The following AFG2A variants were observed in gnomAD, a reference collection of about 807,000 sequenced individuals.
AFG2A encodes the protein ATPase family gene 2 protein homolog A.
the AFG2A span, among the ~76,000 whole-genome samples, chr4:123,112,077 A>T: frequency 1.3e-5 from 2 of 152,150 alleles, no homozygotes; most frequent in Non-Finnish European, 2.9e-5. Flanking sequence ...AAATTGCTTT[A>T]AATTATTATC....
the AFG2A span, among the ~76,000 whole-genome samples, chr4:123,149,142 G>C: frequency 6.6e-6 from 1 of 152,162 alleles, no homozygotes; most frequent in Non-Finnish European, 1.5e-5. Flanking sequence ...CTTATACTTA[G>C]TAAATAAATT....
chr4:123,022,894 A>T, the AFG2A span, among the ~76,000 whole-genome samples: 1 of 152,136 alleles, frequency 6.6e-6, no homozygotes, highest in African/African-American at 2.4e-5. Flanking sequence ...AGGGACATGG[A>T]TGAAATTGGA....
chr4:123,244,164 A>T, the AFG2A span, among the ~76,000 whole-genome samples: 4 of 152,122 alleles, frequency 2.6e-5, no homozygotes, highest in Non-Finnish European at 5.9e-5. Context: ...AGGTGCACTG[A>T]ACAGCCAAAG....
At chr4:122,947,765 G>A in the AFG2A span, among the ~76,000 whole-genome samples, 1 of 151,992 alleles carries the variant, frequency 6.6e-6, no homozygotes, top group South Asian at 2.1e-4. Flanking sequence ...CAGCATCTGA[G>A]GAGTCAACCA....
chr4:122,939,426 A>T, the AFG2A span, among the ~76,000 whole-genome samples: 2 of 152,170 alleles, frequency 1.3e-5, no homozygotes, highest in Admixed American at 1.3e-4. Flanking sequence ...TAATTATGGA[A>T]GGAACATTCA....
the AFG2A span, among the ~76,000 whole-genome samples, chr4:123,152,254 A>G: frequency 6.6e-6 from 1 of 152,138 alleles, no homozygotes; most frequent in East Asian, 1.9e-4. Context: ...ACACCTATGT[A>G]ACAAACCTGC....
At chr4:122,934,504 G>A in the AFG2A span, 1 of 1,614,192 alleles carries the variant, frequency 6.2e-7, no homozygotes, top group Non-Finnish European at 8.5e-7. Flanking sequence ...GCAACTTACT[G>A]AAGAAGAGAG....
At chr4:122,923,293 T>C in the AFG2A span, 36 of 1,613,832 alleles carry the variant, frequency 2.2e-5, no homozygotes, top group South Asian at 3.7e-4. Flanking sequence ...GGTGACCAAC[T>C]TATTAGAAAA....
At chr4:123,253,579 G>A in the AFG2A span, among the ~76,000 whole-genome samples, 1 of 152,110 alleles carries the variant, frequency 6.6e-6, no homozygotes, top group Non-Finnish European at 1.5e-5. Context: ...GAGTGCAGGA[G>A]GTGGAGATTG....
chr4:123,220,060 G>A, the AFG2A span, among the ~76,000 whole-genome samples: 4 of 151,770 alleles, frequency 2.6e-5, no homozygotes, highest in Non-Finnish European at 5.9e-5. Context: ...TAGTAGAGAC[G>A]GGGTTTCACC....
At chr4:123,194,041 G>GT in the AFG2A span, among the ~76,000 whole-genome samples, 10 of 152,314 alleles carry the variant, frequency 6.6e-5, no homozygotes, top group African/African-American at 2.4e-4. Context: ...TCTTCCATCA[G>GT]TCTCAGTTTA....
At chr4:123,022,480 A>G in the AFG2A span, among the ~76,000 whole-genome samples, 1 of 151,026 alleles carries the variant, frequency 6.6e-6, no homozygotes, top group African/African-American at 2.4e-5. Flanking sequence ...CAAAACCACA[A>G]TGAGATACCA....
the AFG2A span, among the ~76,000 whole-genome samples, chr4:122,944,312 T>A: frequency 6.6e-6 from 1 of 152,012 alleles, no homozygotes; most frequent in South Asian, 2.1e-4. Flanking sequence ...TAGTCCCATA[T>A]TTCTTGGATG....
At chr4:123,211,326 A>T in the AFG2A span, among the ~76,000 whole-genome samples, 2 of 152,108 alleles carry the variant, frequency 1.3e-5, no homozygotes, top group African/African-American at 2.4e-5. Flanking sequence ...TTTCCATGAC[A>T]TGTTTGGTCA....
the AFG2A span, among the ~76,000 whole-genome samples, chr4:123,071,070 T>C: frequency 6.6e-6 from 1 of 152,258 alleles, no homozygotes; most frequent in Non-Finnish European, 1.5e-5. Context: ...TTCCTTATTA[T>C]TTCTTGTGTT....
chr4:123,123,400 C>T, the AFG2A span, among the ~76,000 whole-genome samples: 5,572 of 152,202 alleles, frequency 0.037, 339 homozygotes, highest in African/African-American at 0.13. Context: ...AATCTTTTAA[C>T]TTTACCACTT....
the AFG2A span, among the ~76,000 whole-genome samples, chr4:123,187,951 T>G: frequency 6.7e-6 from 1 of 150,218 alleles, no homozygotes; most frequent in East Asian, 2.0e-4. Context: ...TGAGCCATGA[T>G]CATACCACTG....
chr4:123,014,357 C>G, the AFG2A span, among the ~76,000 whole-genome samples: 4 of 152,116 alleles, frequency 2.6e-5, no homozygotes, highest in South Asian at 8.3e-4. Context: ...ATATCTGAGT[C>G]TTAATTTTTG....
chr4:122,976,534 G>A, the AFG2A span, among the ~76,000 whole-genome samples: 10 of 151,968 alleles, frequency 6.6e-5, no homozygotes, highest in South Asian at 1.5e-3. Flanking sequence ...TTAAAACATC[G>A]TTTCTTTTTA....
Sources: gnomAD v4.1 joint callset for allele counts (sites outside exome capture counted in the v4.1 genomes callset) on GRCh38, gnomAD v4.1.1 for gene constraint, MANE v1.5 for transcripts, NCBI Gene and HGNC (gene_info 2026-07-23, HGNC 2026-07-21) for gene names.